NRCAM: variants seen among roughly 807,000 people sequenced by gnomAD.
NRCAM encodes the protein NgCAM-related cell adhesion molecule.
NRCAM carries 83 observed loss-of-function variants against 156.5 expected under a neutral mutation model. That is an observed-to-expected ratio of 0.53 (90% confidence interval 0.44 to 0.64). NRCAM has a LOEUF of 0.64. NRCAM is among the 30% of genes least tolerant of loss of function. NRCAM has a pLI of 0.00. For synonymous variants in NRCAM, 538 were observed against 563.9 expected, an observed-to-expected ratio of 0.95 and a Z score of 0.65; for missense variants, 1,417 against 1,597.3, an observed-to-expected ratio of 0.89 and a Z score of 1.92.
chr7:108,315,190 A>G lies in NRCAM; in HGVS notation c.-173-2459T>C, dbSNP rs145368814. The stretch of plus-strand genomic sequence containing the variant: ...TTTTATCACTATAAAATGACAGTAA[A>G]TTATAAATTTATATTTAATCTTTGG... On this transcript the variant is annotated intron_variant, in intron 2 of 32. Transcript: ENST00000379028. Among the ~76,000 whole-genome samples the G allele has an allele frequency of 5.7e-3, 872 of 152,308 alleles. 8 individuals are homozygous for G. Among genetic ancestry groups the G allele is most frequent in the African/African-American group, 0.02 (830 of 41,558 alleles).
At chr7:108,235,809 C>G (rs1460692717) in intron 5 of NRCAM, among the ~76,000 whole-genome samples, 1 of 152,122 alleles carries the variant, frequency 6.6e-6, no homozygotes, top group Non-Finnish European at 1.5e-5. Flanking sequence ...TTCCACACAA[C>G]AAAGACTTAT....
chr7:108,222,319 G>T (rs2092547235), intron 11 of NRCAM, among the ~76,000 whole-genome samples: 1 of 152,190 alleles, frequency 6.6e-6, no homozygotes, highest in Non-Finnish European at 1.5e-5. Context: ...TGGCTGGTTG[G>T]TAAGTGATAG....
intron 1 of NRCAM, among the ~76,000 whole-genome samples, chr7:108,434,428 C>T (rs1372682547): frequency 6.6e-6 from 1 of 152,070 alleles, no homozygotes; most frequent in Non-Finnish European, 1.5e-5. Flanking sequence ...GTAAACCAAA[C>T]ACAGAGGGCT....
At chr7:108,396,900 A>C (rs990923460) in intron 2 of NRCAM, among the ~76,000 whole-genome samples, 1 of 152,208 alleles carries the variant, frequency 6.6e-6, no homozygotes, top group African/African-American at 2.4e-5. Context: ...GCTGCCAAAA[A>C]CAAAATCTAT....
intron 2 of NRCAM, among the ~76,000 whole-genome samples, chr7:108,348,971 T>TG (rs950450086): frequency 1.3e-5 from 2 of 149,206 alleles, no homozygotes; most frequent in Non-Finnish European, 3.0e-5. Flanking sequence ...GCTATCAGGA[T>TG]GGGGGGGAAT....
chr7:108,365,823 A>AT (rs145209090), intron 2 of NRCAM, among the ~76,000 whole-genome samples: 2 of 151,932 alleles, frequency 1.3e-5, no homozygotes, highest in Admixed American at 6.6e-5. Context: ...TATTTGTGGG[A>AT]TTTTTTTGGG....
At chr7:108,361,322 G>C (rs1012377031) in intron 2 of NRCAM, among the ~76,000 whole-genome samples, 7 of 152,166 alleles carry the variant, frequency 4.6e-5, no homozygotes, top group South Asian at 4.1e-4. Context: ...TTATATGTCA[G>C]CTTGATTGGG....
chr7:108,448,828 GA>G lies in NRCAM; in HGVS notation c.-332+7414del, dbSNP rs146802241. On this transcript the variant is annotated intron_variant, in intron 1 of 32. Coordinates refer to ENST00000379028, the MANE Select transcript of NRCAM (RefSeq NM_001037132.4). The stretch of plus-strand genomic sequence containing the variant: ...CTTCATAAATATACTTATCTGGGAA[GA>G]AAAAACACTGGTTAGACAATATTTA... 8.8e-3 allele frequency among the ~76,000 whole-genome samples: 1,333 copies of G among 152,166 alleles called. 14 individuals are homozygous for G. The highest frequency in any genetic ancestry group is 0.03 in the African/African-American group (1,252 of 41,502).
intron 2 of NRCAM, among the ~76,000 whole-genome samples, chr7:108,375,440 A>C (rs2099671144): frequency 6.6e-6 from 1 of 152,180 alleles, no homozygotes; most frequent in Non-Finnish European, 1.5e-5. Context: ...TGAAAGGTCC[A>C]CTGCCAATGT....
chr7:108,323,415 A>G (rs2099025678), intron 2 of NRCAM, among the ~76,000 whole-genome samples: 1 of 152,230 alleles, frequency 6.6e-6, no homozygotes, highest in South Asian at 2.1e-4. Context: ...CCTATCCTTC[A>G]GAATCAGCTA....
intron 13 of NRCAM, 71 bp downstream of exon 13, chr7:108,207,452 TCACCA>T: frequency 6.9e-7 from 1 of 1,439,778 alleles, no homozygotes; most frequent in South Asian, 1.4e-5. Context: ...TATTTTTTTA[TCACCA>T]TTTATTCACT....
intron 2 of NRCAM, among the ~76,000 whole-genome samples, chr7:108,395,220 A>G (rs1333153116): frequency 1.3e-5 from 2 of 152,222 alleles, no homozygotes; most frequent in African/African-American, 4.8e-5. Context: ...CATTTTCATG[A>G]GTAGCAAGGT....
At chr7:108,394,502 C>T (rs752374363) in intron 2 of NRCAM, among the ~76,000 whole-genome samples, 35 of 152,304 alleles carry the variant, frequency 2.3e-4, no homozygotes, top group Middle Eastern at 3.4e-3. Context: ...CTTAGTCTCT[C>T]TCTTTGCCTC....
At chr7:108,354,705 A>G (rs1262428649) in intron 2 of NRCAM, among the ~76,000 whole-genome samples, 2 of 151,910 alleles carry the variant, frequency 1.3e-5, no homozygotes, top group Admixed American at 6.6e-5. Flanking sequence ...GACCAGCCTG[A>G]CCAACATGGA....
At chr7:108,167,180 G>A (rs956856796) in intron 29 of NRCAM, 107 bp from the exon 30 acceptor site, 15 of 755,996 alleles carry the variant, frequency 2.0e-5, no homozygotes, top group Non-Finnish European at 3.0e-5. Context: ...CAAGATGTAG[G>A]ATGCTTAGGT....
rs2039848082 is a variant in NRCAM, at chr7:108,148,516, T to C, written c.*1394A>G. ...GATTTTCATATTTGGAGGTAACCCA[T>C]TTGATAGATATTGTTTATGAATACG... On this transcript the variant is annotated 3_prime_UTR_variant, in exon 33 of 33. Coordinates refer to ENST00000379028, the MANE Select transcript of NRCAM (RefSeq NM_001037132.4). The C allele has an allele frequency of 6.5e-6, 1 of 152,678 alleles. No individual in the cohort carries two copies. Among genetic ancestry groups the C allele is most frequent in the African/African-American group, 2.4e-5 (1 of 41,470 alleles). The allele number at this position is 152,678 out of a possible 1,614,324, so 9.5% of individuals were successfully genotyped here.
intron 11 of NRCAM, among the ~76,000 whole-genome samples, chr7:108,216,260 A>T (rs949694663): frequency 1.3e-5 from 2 of 152,194 alleles, no homozygotes; most frequent in African/African-American, 4.8e-5. Context: ...TCTGGCTTGT[A>T]GGGTTTCTGC....
rs940903087 is a variant in NRCAM, at chr7:108,251,317, T to C, written c.-106-11147A>G. Among the ~76,000 whole-genome samples the C allele has an allele frequency of 2.6e-5, 4 of 152,248 alleles. No homozygotes were observed. The East Asian group carries it at 7.7e-4, about 29-fold the overall frequency. ...TATCATTTTTCTTCAGAAATTGTGA[T>C]AGTTCACAAATAAACTGGGTTAAAA... On this transcript the variant is annotated intron_variant, in intron 3 of 32. Coordinates refer to ENST00000379028, the MANE Select transcript of NRCAM (RefSeq NM_001037132.4).
At chr7:108,342,337 G>A (rs577314952) in intron 2 of NRCAM, among the ~76,000 whole-genome samples, 1 of 152,306 alleles carries the variant, frequency 6.6e-6, no homozygotes, top group Admixed American at 6.5e-5. Flanking sequence ...AGGCACCAGG[G>A]CCCTCAGTGA....
Sources: gnomAD v4.1 joint callset for allele counts (sites outside exome capture counted in the v4.1 genomes callset) on GRCh38, gnomAD v4.1.1 for gene constraint, MANE v1.5 for transcripts, NCBI Gene and HGNC (gene_info 2026-07-23, HGNC 2026-07-21) for gene names.